Variants in EPC2 observed in about 807,000 individuals in gnomAD.
EPC2 encodes the protein enhancer of polycomb homolog 2.
In EPC2, 14 loss-of-function variants were observed where a neutral mutation model predicts 92.1. The observed-to-expected ratio is 0.15, with a 90% CI of 0.10 to 0.24. The LOEUF is 0.24. Among genes scored for constraint, EPC2 ranks in the 10% least tolerant of loss-of-function variants. EPC2 has a pLI of 1.00. For synonymous variants in EPC2, 340 were observed against 334.7 expected (o/e 1.02, Z -0.17); for missense variants, 755 against 971.5 (o/e 0.78, Z 2.96).
chr2:148,786,552 C>T lies in EPC2; in HGVS notation c.*175C>T. On this transcript the variant is annotated 3_prime_UTR_variant, in exon 14 of 14. Transcript: ENST00000258484. Reference sequence around the variant, plus strand: ...ATATTTTGTAAAATTGGGAAAATCACTACCTTGTAAAATAGTTTATTTGTA... The same window carrying T: ...ATATTTTGTAAAATTGGGAAAATCATTACCTTGTAAAATAGTTTATTTGTA... 1 of 478,304 alleles carries T rather than the reference C, an allele frequency of 2.1e-6. No individual in the cohort carries two copies. The highest frequency in any genetic ancestry group is 3.8e-6 in the Non-Finnish European group (1 of 263,332). 29.6% of individuals were successfully genotyped at this position (478,304 alleles called of 1,614,324 possible).
At position 148,653,732 on chromosome 2, in the gene EPC2, G is replaced by A. The variant is rs571814766; in HGVS notation, c.153+8562G>A. Among the ~76,000 whole-genome samples, 165 of 151,174 alleles carry A rather than the reference G, an allele frequency of 1.1e-3. 1 individual carries two copies. Among genetic ancestry groups the A allele is most frequent in the Non-Finnish European group, 1.6e-3 (107 of 67,854 alleles). On this transcript the variant is annotated intron_variant, in intron 1 of 13. Coordinates refer to ENST00000258484, the MANE Select transcript of EPC2 (RefSeq NM_015630.4). ...TTTTTTTTTTAAATGGGCTAAGGACGTGTCTCATGTCTTGGTTGGGGAGTC... is the reference window on the plus strand; with the variant it reads ...TTTTTTTTTTAAATGGGCTAAGGACATGTCTCATGTCTTGGTTGGGGAGTC...
intron 10 of EPC2, 139 bp downstream of exon 10, chr2:148,771,526 A>G (rs13022974): frequency 0.16 from 122,898 of 765,322 alleles, 13,762 homozygotes; most frequent in East Asian, 0.43. Flanking sequence ...TCACATTTTA[A>G]CCAAATTGTC....
chr2:148,732,001 C>T (rs138722099), intron 2 of EPC2, among the ~76,000 whole-genome samples: 6 of 152,262 alleles, frequency 3.9e-5, no homozygotes, highest in African/African-American at 1.4e-4. Flanking sequence ...AACAGTATCT[C>T]ATTTATTTAC....
intron 1 of EPC2, among the ~76,000 whole-genome samples, chr2:148,685,413 G>A (rs1365021259): frequency 6.6e-6 from 1 of 152,056 alleles, no homozygotes; most frequent in Non-Finnish European, 1.5e-5. Context: ...ACAATAAAGC[G>A]AGTAACACTA....
In EPC2 at chr2:148,775,775, C is replaced by CTTTTTTTT. The variant is rs70995334; in HGVS notation, c.1720+4401_1720+4408dup. ...TAAAGAAATATTACCAATTTCTTTT[C>CTTTTTTTT]TTTTTTTTTTTTTTTTTTTTGAGAT... On this transcript the variant is annotated intron_variant, in intron 10 of 13. Coordinates refer to ENST00000258484, the MANE Select transcript of EPC2 (RefSeq NM_015630.4). 4.3e-5 allele frequency among the ~76,000 whole-genome samples: 4 copies of CTTTTTTTT among 92,290 alleles called. 1 individual carries two copies. The highest frequency in any genetic ancestry group is 7.6e-5 in the Non-Finnish European group (4 of 52,428). 60.5% of individuals were successfully genotyped at this position (92,290 alleles called of 152,430 possible).
chr2:148,755,944 A>G (rs529798844), intron 4 of EPC2, among the ~76,000 whole-genome samples: 4 of 152,334 alleles, frequency 2.6e-5, no homozygotes, highest in Admixed American at 2.6e-4. Context: ...TTAATTTCAG[A>G]TATATTGCAA....
chr2:148,769,911 T>A (rs1574633247), intron 8 of EPC2, among the ~76,000 whole-genome samples: 2 of 152,036 alleles, frequency 1.3e-5, no homozygotes, highest in South Asian at 4.2e-4. Flanking sequence ...TTAGGAGAGG[T>A]GGAGATTTGT....
chr2:148,710,968 A>AT (rs577860732), intron 2 of EPC2, among the ~76,000 whole-genome samples: 99 of 152,146 alleles, frequency 6.5e-4, no homozygotes, highest in African/African-American at 2.3e-3. Context: ...ATCCTCCACT[A>AT]TATTTCATTC....
At chr2:148,663,465 G>A (rs1427892041) in intron 1 of EPC2, among the ~76,000 whole-genome samples, 3 of 151,214 alleles carry the variant, frequency 2.0e-5, no homozygotes, top group African/African-American at 4.8e-5. Flanking sequence ...TGACCCACCC[G>A]CCTTGGCCTC....
chr2:148,667,749 TTAGTTG>T (rs1681081436), intron 1 of EPC2, among the ~76,000 whole-genome samples: 1 of 152,198 alleles, frequency 6.6e-6, no homozygotes. Flanking sequence ...CTGTGTGATG[TTAGTTG>T]TAGTTTTTTT....
intron 4 of EPC2, among the ~76,000 whole-genome samples, chr2:148,759,035 A>G (rs1683248502): frequency 6.6e-6 from 1 of 152,250 alleles, no homozygotes; most frequent in Non-Finnish European, 1.5e-5. Flanking sequence ...AAACATGACA[A>G]CCAAATGTGG....
At chr2:148,755,653 G>A (rs1683176033) in intron 4 of EPC2, among the ~76,000 whole-genome samples, 3 of 152,202 alleles carry the variant, frequency 2.0e-5, no homozygotes, top group Admixed American at 2.0e-4. Context: ...GTACAGGTTT[G>A]TAGCCTAGCA....
At chr2:148,730,590 A>T (rs1407470703) in intron 2 of EPC2, among the ~76,000 whole-genome samples, 1 of 152,202 alleles carries the variant, frequency 6.6e-6, no homozygotes, top group African/African-American at 2.4e-5. Context: ...TGTTTTAACA[A>T]ACCCTTCAGA....
At chr2:148,712,202 C>A (rs1312626199) in intron 2 of EPC2, among the ~76,000 whole-genome samples, 1 of 151,996 alleles carries the variant, frequency 6.6e-6, no homozygotes, top group African/African-American at 2.4e-5. Flanking sequence ...TCTGTTTTCT[C>A]TCCTTTCTTA....
intron 1 of EPC2, among the ~76,000 whole-genome samples, chr2:148,662,196 G>A (rs1680951083): frequency 6.6e-6 from 1 of 152,256 alleles, no homozygotes; most frequent in South Asian, 2.1e-4. Flanking sequence ...TGGAGAAATA[G>A]GAACACTTTT....
chr2:148,656,531 G>A (rs1179406062), intron 1 of EPC2, among the ~76,000 whole-genome samples: 1 of 152,152 alleles, frequency 6.6e-6, no homozygotes, highest in East Asian at 1.9e-4. Context: ...ATGTTGGCAA[G>A]CCAGATATTT....
chr2:148,648,804 C>T (rs1683856975), intron 1 of EPC2, among the ~76,000 whole-genome samples: 1 of 152,208 alleles, frequency 6.6e-6, no homozygotes, highest in African/African-American at 2.4e-5. Flanking sequence ...TTTAGGTGTT[C>T]TTGGGCATTG....
chr2:148,747,238 A>G (rs184708943), intron 3 of EPC2, among the ~76,000 whole-genome samples: 1 of 152,014 alleles, frequency 6.6e-6, no homozygotes, highest in African/African-American at 2.4e-5. Context: ...CCTGCCCAAA[A>G]CAGAACTCTC....
intron 2 of EPC2, among the ~76,000 whole-genome samples, chr2:148,701,326 C>T (rs562887909): frequency 6.6e-6 from 1 of 152,242 alleles, no homozygotes; most frequent in Non-Finnish European, 1.5e-5. Flanking sequence ...AAGGAACATC[C>T]TTGCCTTGTT....
Sources: gnomAD v4.1 joint callset for allele counts (sites outside exome capture counted in the v4.1 genomes callset) on GRCh38, gnomAD v4.1.1 for gene constraint, MANE v1.5 for transcripts, NCBI Gene and HGNC (gene_info 2026-07-23, HGNC 2026-07-21) for gene names.